BAZ2A: variants seen among roughly 807,000 people sequenced by gnomAD.
BAZ2A encodes bromodomain adjacent to zinc finger domain 2A.
BAZ2A carries 34 observed loss-of-function variants against 199.9 expected under a neutral mutation model. The ratio of observed to expected loss-of-function variants is 0.17; its 90% CI spans 0.13 to 0.23. The LOEUF (loss-of-function observed/expected upper bound fraction) is 0.23. Ranked by LOEUF, BAZ2A falls within the 10% of genes least tolerant of loss-of-function variation. BAZ2A has a pLI of 1.00. For synonymous variants in BAZ2A, 857 were observed against 883.9 expected, an observed-to-expected ratio of 0.97 and a Z score of 0.54; for missense variants, 2,002 against 2,391.1, an observed-to-expected ratio of 0.84 and a Z score of 3.39.
chr12:56,635,698 A>G lies in BAZ2A; in HGVS notation c.4+484T>C, dbSNP rs1180351565. 6.6e-6 allele frequency among the ~76,000 whole-genome samples: 1 copy of G among 152,166 alleles called. No homozygotes were observed. Among genetic ancestry groups the G allele is most frequent in the Non-Finnish European group, 1.5e-5 (1 of 68,034 alleles). ...TGCTTCAGTCTCTGGGGCAACAGGA[A>G]GCAGCTGCTCAGTGCAGCCCCCACC... On this transcript the variant is annotated intron_variant, in intron 1 of 29. Coordinates refer to the BAZ2A transcript ENST00000379441. This position sits in a 1 kb window ranked among gnomAD's most constrained non-coding sequence, Gnocchi z 4.1.
intron 10 of BAZ2A, among the ~76,000 whole-genome samples, chr12:56,608,554 CTATTATTATTATTA>C (rs1277757350): frequency 6.6e-6 from 1 of 151,574 alleles, no homozygotes; most frequent in Admixed American, 6.6e-5. Context: ...AAAACAGTGC[CTATTATTATTATTA>C]TATTATTATT....
At chr12:56,621,763 A>C (rs1228603753) in intron 1 of BAZ2A, among the ~76,000 whole-genome samples, 1 of 151,414 alleles carries the variant, frequency 6.6e-6, no homozygotes, top group East Asian at 1.9e-4. Context: ...ATCATAGCTC[A>C]CTGCAGCCTG....
upstream of BAZ2A, among the ~76,000 whole-genome samples, chr12:56,631,937 AG>A (rs1951322973): frequency 6.6e-6 from 1 of 152,130 alleles, no homozygotes; most frequent in Non-Finnish European, 1.5e-5. Flanking sequence ...AGAGAGGATA[AG>A]AAGGAAGCTA....
rs996981755 is a variant in BAZ2A at position 56,621,594 on chromosome 12, C to T, written c.-2-4062G>A. Among the ~76,000 whole-genome samples, 7 of 152,182 alleles carry T rather than the reference C, an allele frequency of 4.6e-5. No homozygotes were observed. The East Asian group carries it at 9.6e-4, about 21-fold the overall frequency. On this transcript the variant is annotated intron_variant, in intron 1 of 28. Transcript: ENST00000549884. ...TTCATCATCTGTAACAATTTTTGTA[C>T]CCACTTTTAAGGACTGGTGAGGATG...
At chr12:56,627,465 CAA>C (rs34107563) in intron 1 of BAZ2A, among the ~76,000 whole-genome samples, 8,973 of 112,454 alleles carry the variant, frequency 0.08, 728 homozygotes, top group African/African-American at 0.22. Flanking sequence ...GACTCCATCT[CAA>C]AAAAAAAAAA....
At position 56,603,681 on chromosome 12, in the gene BAZ2A, T is replaced by G; in HGVS notation, c.3058A>C (p.Lys1020Gln). ...TCTACTTCAGACCGCCCAGTTCGCT[T>G]GGCCAGAACAGTTTTCAGCCTTGAA... ...RLRRLKTVLA[K>Q]RTGRSEVEME... The change falls in exon 17 of 29, where the codon AAG (lysine) becomes CAG (glutamine). Residue 1020 changes from lysine (K) to glutamine (Q), a missense_variant. Lys to Gln is a moderately conservative substitution (Grantham distance 53, BLOSUM62 1). Transcript: ENST00000549884. The G allele has an allele frequency of 6.2e-7, 1 of 1,614,032 alleles. No individual in the cohort carries two copies. The highest frequency in any genetic ancestry group is 8.5e-7 in the Non-Finnish European group (1 of 1,179,890).
At chr12:56,625,242 A>C (rs1183351477) in intron 1 of BAZ2A, among the ~76,000 whole-genome samples, 1 of 136,736 alleles carries the variant, frequency 7.3e-6, no homozygotes, top group Non-Finnish European at 1.5e-5. Context: ...TGCAACCTCC[A>C]TCTCCCCGGT....
chr12:56,618,687 T>C (rs1950806041), intron 1 of BAZ2A, among the ~76,000 whole-genome samples: 2 of 151,618 alleles, frequency 1.3e-5, no homozygotes, highest in South Asian at 2.1e-4. Context: ...CTGACCAACA[T>C]GGTAATACCC....
chr12:56,637,009 T>TG (rs1189024010), upstream of BAZ2A, among the ~76,000 whole-genome samples: 2 of 152,222 alleles, frequency 1.3e-5, no homozygotes, highest in Non-Finnish European at 2.9e-5. Flanking sequence ...GAGCTCAGCT[T>TG]GTCCCCGCCC....
At chr12:56,630,922 T>C, upstream of BAZ2A, 1 of 903,554 alleles carries the variant, frequency 1.1e-6, no homozygotes. Flanking sequence ...GACCTGAGTG[T>C]AGCCTAAATG....
chr12:56,609,585 G>C (rs972241960), intron 10 of BAZ2A, 151 bp downstream of exon 10: 64 of 905,588 alleles, frequency 7.1e-5, no homozygotes, highest in Non-Finnish European at 1.1e-4. Flanking sequence ...CTGGGACTAG[G>C]ATGCTGGATT....
Position 56,605,188 on chromosome 12 carries a change from C to A in BAZ2A, c.2633G>T (p.Gly878Val). The change falls in exon 14 of 29, where the codon GGG becomes GTG. Residue 878 changes from glycine (G) to valine (V), a missense_variant. This residue lies in a region of BAZ2A where 1,081 missense variants were observed against 1,274.7 expected (regional missense o/e 0.85). Transcript: ENST00000549884. ...ACACAGGAGTCCCTCCTGCAGGACCCCCAGGCTAGGCACATCTTTGGCAGG... is the reference window on the plus strand; with the variant it reads ...ACACAGGAGTCCCTCCTGCAGGACCACCAGGCTAGGCACATCTTTGGCAGG... ...FDPAKDVPSL[G>V]VLQEGLLCQG... is the part of the protein sequence containing the mutation. 6.2e-7 allele frequency: 1 copy of A among 1,613,778 alleles called. No homozygotes were observed. Among genetic ancestry groups the A allele is most frequent in the East Asian group, 2.2e-5 (1 of 44,834 alleles).
upstream of BAZ2A, among the ~76,000 whole-genome samples, chr12:56,637,583 GA>G (rs1951477845): frequency 6.6e-6 from 1 of 152,148 alleles, no homozygotes; most frequent in Non-Finnish European, 1.5e-5. Context: ...AAGATGTAGA[GA>G]ACCCTTTTGA....
chr12:56,599,867 G>T lies in BAZ2A; in HGVS notation c.5026-19C>A, dbSNP rs1278597996. On this transcript the variant is annotated intron_variant, in intron 25 of 28. Transcript: ENST00000549884. ...GACATGTCTGGACCAAGGTTGTGAG[G>T]AGGCAGAATGAGCTCTCCAGCCTCT... 2 of 1,613,744 alleles carry T rather than the reference G, an allele frequency of 1.2e-6. No homozygotes were observed. The highest frequency in any genetic ancestry group is 4.5e-5 in the East Asian group (2 of 44,878).
At position 56,599,569 on chromosome 12, in the gene BAZ2A, T is replaced by C. The variant is rs1016214144; in HGVS notation, c.5172+133A>G. 4.4e-6 allele frequency: 6 copies of C among 1,364,576 alleles called. No homozygotes were observed. The Admixed American group carries it at 7.9e-5, about 18-fold the overall frequency. 84.5% of individuals were successfully genotyped at this position (1,364,576 alleles called of 1,614,324 possible). ...AGCAATTAAAGCTATAGAATTTAAG[T>C]GACTTGTCCAAAAAAGGACTTAGAA... On this transcript the variant is annotated intron_variant, in intron 26 of 28. Coordinates refer to ENST00000549884, the MANE Select transcript of BAZ2A (RefSeq NM_001300905.2).
chr12:56,630,344 G>T, upstream of BAZ2A: 1 of 938,650 alleles, frequency 1.1e-6, no homozygotes, highest in Non-Finnish European at 1.3e-6. Flanking sequence ...AGCCGGAGGG[G>T]GCGGAGAAGC....
At chr12:56,606,816 A>G in intron 10 of BAZ2A, 83 bp from the exon 11 acceptor site, 2 of 1,135,434 alleles carry the variant, frequency 1.8e-6, no homozygotes, top group Admixed American at 1.7e-5. Context: ...CCCGTCTCAA[A>G]GCTGGCCTCC....
intron 1 of BAZ2A, among the ~76,000 whole-genome samples, chr12:56,624,479 G>A (rs1951018281): frequency 6.6e-6 from 1 of 152,112 alleles, no homozygotes; most frequent in Admixed American, 6.6e-5. Flanking sequence ...TTAGTGCTAA[G>A]TATACAAAAG....
rs773034606 is a variant in BAZ2A, at chr12:56,615,047, C to A, written c.697G>T (p.Val233Leu). Residue 233 changes from valine to leucine, a missense_variant, in exon 3 of 29, where the codon GTA becomes TTA. Physicochemically the swap from Val to Leu is conservative, Grantham distance 32 (BLOSUM62 1). Around this residue, in one of 6 missense-constraint regions of BAZ2A, gnomAD observed 641 missense variants for 694.5 expected, o/e 0.92. Transcript: ENST00000549884. ...SVVAENGTGL[V>L]GSLELEEEQP... ...TCTTCTTCCAGCTCCAAGCTGCCTA[C>A]CAAGCCAGTGCCATTCTCTGCCACA... 1.9e-6 allele frequency: 3 copies of A among 1,613,412 alleles called. No homozygotes were observed. The South Asian group carries it at 3.3e-5, about 18-fold the overall frequency.
Sources: allele counts gnomAD v4.1 joint callset (sites outside exome capture counted in the v4.1 genomes callset), GRCh38; gene constraint gnomAD v4.1.1; regional missense constraint gnomAD v4.1.1; non-coding constraint Gnocchi (gnomAD v3.1); transcripts MANE v1.5; gene names NCBI Gene and HGNC (gene_info 2026-07-23, HGNC 2026-07-21).